The following PLD1 variants were observed in gnomAD, a reference collection of about 807,000 sequenced individuals.
The protein encoded by PLD1 is phospholipase D1.
Under a neutral mutation model 137.1 loss-of-function variants are expected in PLD1, and 112 were observed. That is an observed-to-expected ratio of 0.82 (90% CI 0.70 to 0.96). The LOEUF (loss-of-function observed/expected upper bound fraction) is 0.96, where lower values mean the gene tolerates loss of function less well. Ranked by LOEUF, PLD1 falls within the 40% of genes least tolerant of loss-of-function variation. PLD1 has a pLI of 0.00. For missense variants in PLD1, 1,321 were observed against 1,342.0 expected (o/e 0.98, Z 0.24); for synonymous variants, 431 against 454.7 (o/e 0.95, Z 0.66).
intron 12 of PLD1, among the ~76,000 whole-genome samples, chr3:171,695,885 G>A (rs944413532): frequency 6.6e-6 from 1 of 152,134 alleles, no homozygotes; most frequent in African/African-American, 2.4e-5. Flanking sequence ...GGCAGCATTG[G>A]GATATAAGAG....
At chr3:171,726,532 C>A (rs1403371180) in intron 6 of PLD1, among the ~76,000 whole-genome samples, 1 of 151,840 alleles carries the variant, frequency 6.6e-6, no homozygotes, top group Non-Finnish European at 1.5e-5. Flanking sequence ...GGGGCTAGAA[C>A]AGAAGGTCAA....
At chr3:171,632,061 C>T (rs1388873320) in intron 23 of PLD1, among the ~76,000 whole-genome samples, 3 of 152,138 alleles carry the variant, frequency 2.0e-5, no homozygotes, top group South Asian at 2.1e-4. Context: ...ACCACCTTCA[C>T]TAAGTGATCA....
At chr3:171,686,613 T>TATGCCC in intron 16 of PLD1, 72 bp downstream of exon 16, 1 of 780,092 alleles carries the variant, frequency 1.3e-6, no homozygotes, top group South Asian at 1.7e-5. Context: ...ACACATTCAC[T>TATGCCC]ATGCCCATGC....
chr3:171,745,941 G>A (rs554457824), intron 1 of PLD1, among the ~76,000 whole-genome samples: 7 of 152,256 alleles, frequency 4.6e-5, no homozygotes, highest in Admixed American at 1.3e-4. Context: ...AGGCCAGCGC[G>A]AGTTCTGGGT....
chr3:171,741,835 C>T (rs1341242746), intron 1 of PLD1, among the ~76,000 whole-genome samples: 1 of 152,142 alleles, frequency 6.6e-6, no homozygotes, highest in Non-Finnish European at 1.5e-5. Context: ...GAAGCAGATA[C>T]TTTCCTTTTC....
Position 171,710,872 on chromosome 3 carries a change from C to CTTTTTTTTTTTTTTTTTTTTTT in PLD1, c.912-1164_912-1163insAAAAAAAAAAAAAAAAAAAAAA, listed in dbSNP as rs774704143. On this transcript the variant is annotated intron_variant, in intron 9 of 26. Transcript: ENST00000351298. ...TTTCACTAATCATAGGAAAACTGTT[C>CTTTTTTTTTTTTTTTTTTTTTT]TTTTTTTTTTTTTTTTTTTGAGACG... Among the ~76,000 whole-genome samples the CTTTTTTTTTTTTTTTTTTTTTT allele has an allele frequency of 3.7e-4, 36 of 98,570 alleles. 7 individuals carry two copies. Among genetic ancestry groups the CTTTTTTTTTTTTTTTTTTTTTT allele is most frequent in the African/African-American group, 1.4e-3 (29 of 21,376 alleles). The allele number at this position is 98,570 out of a possible 152,430, so 64.7% of individuals were successfully genotyped here. A position where few individuals can be genotyped will look rare whatever the true frequency, so the allele number is the denominator to read the frequency against.
intron 1 of PLD1, among the ~76,000 whole-genome samples, chr3:171,801,673 C>T (rs933335604): frequency 1.3e-5 from 2 of 152,226 alleles, no homozygotes; most frequent in African/African-American, 4.8e-5. Flanking sequence ...AAGTGATCTA[C>T]CTGCCTCAGC....
At chr3:171,627,402 A>T (rs974065508) in intron 23 of PLD1, among the ~76,000 whole-genome samples, 5 of 152,152 alleles carry the variant, frequency 3.3e-5, no homozygotes, top group Non-Finnish European at 2.9e-5. Context: ...CTCCCACACA[A>T]TAATAATGGG....
chr3:171,611,256 G>A (rs992547542), intron 25 of PLD1, among the ~76,000 whole-genome samples: 3 of 152,226 alleles, frequency 2.0e-5, no homozygotes, highest in Non-Finnish European at 4.4e-5. Context: ...TGGGAGAGTA[G>A]TCAGGGTGTT....
At chr3:171,770,109 T>A (rs1169852578) in intron 1 of PLD1, among the ~76,000 whole-genome samples, 3 of 152,238 alleles carry the variant, frequency 2.0e-5, no homozygotes, top group Non-Finnish European at 4.4e-5. Flanking sequence ...AGACAATGTC[T>A]TTCTCTGTGC....
chr3:171,631,116 T>C (rs956336835), intron 23 of PLD1, among the ~76,000 whole-genome samples: 5 of 152,102 alleles, frequency 3.3e-5, no homozygotes, highest in Non-Finnish European at 5.9e-5. Flanking sequence ...GTTAATAACA[T>C]AATCCAAGCA....
intron 23 of PLD1, among the ~76,000 whole-genome samples, chr3:171,623,997 CAAAA>C (rs369934863): frequency 3.1e-5 from 2 of 65,410 alleles, no homozygotes; most frequent in Admixed American, 1.7e-4. Flanking sequence ...TATCCAGAGG[CAAAA>C]AAAAAAAAAA....
At chr3:171,642,284 G>A (rs1431166277) in intron 23 of PLD1, among the ~76,000 whole-genome samples, 3 of 151,402 alleles carry the variant, frequency 2.0e-5, no homozygotes, top group Non-Finnish European at 2.9e-5. Flanking sequence ...GTGAAACCTC[G>A]TCTCTACTAA....
chr3:171,634,255 G>A (rs1045375041), intron 23 of PLD1, among the ~76,000 whole-genome samples: 1 of 152,022 alleles, frequency 6.6e-6, no homozygotes, highest in Admixed American at 6.6e-5. Context: ...CCCTTGAATA[G>A]GCAAAGGCAA....
At chr3:171,677,392 A>G (rs529896290) in intron 17 of PLD1, among the ~76,000 whole-genome samples, 174 bp downstream of exon 17, 214 of 152,344 alleles carry the variant, frequency 1.4e-3, no homozygotes, top group African/African-American at 5.0e-3. Context: ...TAACTGAAAA[A>G]AAAGTCCTTA....
intron 23 of PLD1, among the ~76,000 whole-genome samples, chr3:171,639,844 C>CTATATATATA (rs1365797079): frequency 6.2e-5 from 7 of 113,498 alleles, no homozygotes; most frequent in African/African-American, 2.4e-4. Flanking sequence ...CTCTCTCTCT[C>CTATATATATA]TCTCTATATA....
chr3:171,688,751 G>A lies in PLD1; in HGVS notation c.1464C>T (p.Asp488=), dbSNP rs770891509. 1.6e-5 allele frequency: 26 copies of A among 1,613,898 alleles called. 1 individual carries two copies. Among genetic ancestry groups the A allele is most frequent in the East Asian group, 6.7e-5 (3 of 44,890 alleles). Residue 488 remains aspartate, a synonymous_variant, in exon 14 of 27, where the codon GAC becomes GAT. Transcript: ENST00000351298. The part of the protein sequence containing the change: ...GGIDLAYGRW[D]DNEHRLTDVG... The stretch of plus-strand genomic sequence containing the variant: ...CGTCTGTGAGTCTGTGCTCATTGTC[G>A]TCCCACCTTCCATAGGCCAGGTCAA...
chr3:171,643,121 T>C (rs1335265543), intron 22 of PLD1: 1 of 377,844 alleles, frequency 2.6e-6, no homozygotes, highest in East Asian at 4.6e-5. Flanking sequence ...GTTATAAAAT[T>C]CGTGTTAGAT....
chr3:171,655,414 T>G (rs540174793), intron 21 of PLD1, among the ~76,000 whole-genome samples: 6 of 152,234 alleles, frequency 3.9e-5, no homozygotes. Flanking sequence ...TAAGCTGGAG[T>G]GTAGTGGTGA....
Sources: allele counts gnomAD v4.1 joint callset (sites outside exome capture counted in the v4.1 genomes callset), GRCh38; gene constraint gnomAD v4.1.1; transcripts MANE v1.5; gene names NCBI Gene and HGNC (gene_info 2026-07-23, HGNC 2026-07-21).